The following PPP1R16A variants were observed in gnomAD, a reference collection of about 807,000 sequenced individuals.
The protein encoded by PPP1R16A is protein phosphatase 1 regulatory subunit 16A, also known as myosin phosphatase-targeting subunit 3.
A neutral mutation model predicts 46.6 loss-of-function variants in PPP1R16A; 39 were observed. The ratio of observed to expected loss-of-function variants is 0.84; its 90% confidence interval spans 0.65 to 1.09. The LOEUF (loss-of-function observed/expected upper bound fraction) is 1.09. Among genes scored for constraint, PPP1R16A ranks in the 50% least tolerant of loss-of-function variants. PPP1R16A has a pLI of 0.00. For missense variants in PPP1R16A, 798 were observed against 735.6 expected (o/e 1.08, Z -0.98); for synonymous variants, 413 against 321.5 (o/e 1.28, Z -3.04).
intron 1 of PPP1R16A, among the ~76,000 whole-genome samples, chr8:144,486,737 G>A (rs1825640326): frequency 6.6e-6 from 1 of 152,156 alleles, no homozygotes; most frequent in African/African-American, 2.4e-5. Flanking sequence ...TGAGACTCGT[G>A]TGTTCTTGAC....
In PPP1R16A at chr8:144,493,011, T is replaced by C. The variant is rs57593627; in HGVS notation, c.-735+2799T>C. Among the ~76,000 whole-genome samples, 2,887 of 151,900 alleles carry C rather than the reference T, an allele frequency of 0.019. 88 individuals carry two copies. The highest frequency in any genetic ancestry group is 0.062 in the African/African-American group (2,589 of 41,436). On this transcript the variant is annotated intron_variant, in intron 2 of 11. Coordinates refer to ENST00000435887, the MANE Select transcript of PPP1R16A (RefSeq NM_001329443.2). This position sits in a 1 kb window ranked among gnomAD's most constrained non-coding sequence, Gnocchi z 4.3. ...TGGTCTCCCCATGTGGAAGATGGGG[T>C]GATGGCAGGTGCCTGAGGCAGTGAT...
intron 1 of PPP1R16A, among the ~76,000 whole-genome samples, chr8:144,479,583 C>G (rs1825319359): frequency 6.6e-6 from 1 of 152,172 alleles, no homozygotes; most frequent in African/African-American, 2.4e-5. Flanking sequence ...GGTCTGTGTT[C>G]TAGGGATTCT....
intron 4 of PPP1R16A, 28 bp downstream of exon 4, chr8:144,498,868 T>TG (rs1453030055): frequency 1.2e-6 from 2 of 1,612,316 alleles, no homozygotes; most frequent in Admixed American, 3.3e-5. Flanking sequence ...GTGGGCAGGG[T>TG]GGGGGCTGGC....
chr8:144,479,554 C>G (rs888157606), intron 1 of PPP1R16A, among the ~76,000 whole-genome samples: 1 of 152,132 alleles, frequency 6.6e-6, no homozygotes, highest in African/African-American at 2.4e-5. Flanking sequence ...GGGGCTCCTC[C>G]TGTATGACTG....
At position 144,498,841 on chromosome 8, in the gene PPP1R16A, G is replaced by A. The variant is rs755845459; in HGVS notation, c.330+1G>A. Reference sequence around the variant, plus strand: ...GGACGGCCTGACGGCCCTGCACCAGGTCAGCCTGCACTGGGTGTGGGCAGG... The same window carrying A: ...GGACGGCCTGACGGCCCTGCACCAGATCAGCCTGCACTGGGTGTGGGCAGG... On this transcript the variant is annotated splice_donor_variant, in intron 4 of 11. Coordinates refer to ENST00000435887, the MANE Select transcript of PPP1R16A (RefSeq NM_001329443.2). LOFTEE classifies it high-confidence loss of function. The A allele has an allele frequency of 9.9e-6, 16 of 1,610,816 alleles. No homozygotes were observed. Among genetic ancestry groups the A allele is most frequent in the Non-Finnish European group, 1.3e-5 (15 of 1,178,224 alleles).
In PPP1R16A at chr8:144,501,606, G is replaced by C. The variant is rs760411762; in HGVS notation, c.1290G>C (p.Arg430=). The change falls in exon 12 of 12, where the codon CGG becomes CGC. Residue 430 remains arginine, a synonymous_variant. Coordinates refer to ENST00000435887, the MANE Select transcript of PPP1R16A (RefSeq NM_001329443.2). ...VRHLYSKRLD[R]SVSYQLSPLD... ...ATCTATACTCCAAGCGACTAGACCG[G>C]AGTGTCTCCTACCAGCTGAGCCCCC... is the stretch of plus-strand genomic sequence containing the variant. The C allele has an allele frequency of 5.0e-6, 8 of 1,609,116 alleles. No homozygotes were observed. In the South Asian group the frequency reaches 8.9e-5, roughly 18 times the overall value.
In PPP1R16A at chr8:144,498,912, G is replaced by A; in HGVS notation, c.331-4G>A. On this transcript the variant is annotated splice_region_variant and splice_polypyrimidine_tract_variant and intron_variant, in intron 4 of 11. Transcript: ENST00000435887. Reference sequence around the variant, plus strand: ...TCTGGTCGCTCACGTGGCACGGTTTGCAGTGCTGCATTGATGATTTCCGAG... The same window carrying A: ...TCTGGTCGCTCACGTGGCACGGTTTACAGTGCTGCATTGATGATTTCCGAG... 1 of 1,612,828 alleles carries A rather than the reference G, an allele frequency of 6.2e-7. No homozygotes were observed. Among genetic ancestry groups the A allele is most frequent in the South Asian group, 1.1e-5 (1 of 91,088 alleles).
chr8:144,499,268 C>G, intron 5 of PPP1R16A: 1 of 641,126 alleles, frequency 1.6e-6, no homozygotes, highest in Non-Finnish European at 2.5e-6. Context: ...TCCCTGCCTC[C>G]CCAGCATTCG....
intron 1 of PPP1R16A, among the ~76,000 whole-genome samples, chr8:144,484,696 A>G (rs1340240372): frequency 2.0e-5 from 3 of 152,210 alleles, no homozygotes; most frequent in East Asian, 3.8e-4. Flanking sequence ...GGCTTCCCCA[A>G]TTCTCCAGCC....
Position 144,501,570 on chromosome 8 carries a change from C to T in PPP1R16A, c.1254C>T (p.Ser418=). The change falls in exon 12 of 12, where the codon TCC becomes TCT. Residue 418 remains serine, a synonymous_variant. Transcript: ENST00000435887. ...CGCACAATGGCCGAGTAGGGGGCTC[C>T]CCAGTGCGGCATCTATACTCCAAGC... ...VRPHNGRVGG[S]PVRHLYSKRL... is the part of the protein sequence containing the mutation. 1 of 1,595,032 alleles carries T rather than the reference C, an allele frequency of 6.3e-7. No individual in the cohort carries two copies. Among genetic ancestry groups the T allele is most frequent in the Non-Finnish European group, 8.5e-7 (1 of 1,171,610 alleles).
chr8:144,499,105 A>C, intron 5 of PPP1R16A, 44 bp downstream of exon 5: 1 of 1,539,000 alleles, frequency 6.5e-7, no homozygotes, highest in Non-Finnish European at 8.8e-7. Flanking sequence ...GCTTCCTCTC[A>C]GATGGCCGCT....
chr8:144,491,499 C>A (rs1270030260), intron 2 of PPP1R16A, among the ~76,000 whole-genome samples: 4 of 152,006 alleles, frequency 2.6e-5, no homozygotes, highest in Non-Finnish European at 5.9e-5. Context: ...CATGCTGGCT[C>A]ACACCTGTAA....
At chr8:144,485,355 T>C (rs1825596278) in intron 1 of PPP1R16A, among the ~76,000 whole-genome samples, 1 of 151,024 alleles carries the variant, frequency 6.6e-6, no homozygotes, top group African/African-American at 2.4e-5. Context: ...AAACCGTGTC[T>C]CTACTGAAAA....
chr8:144,489,674 G>A lies in PPP1R16A; in HGVS notation c.-913-360G>A, dbSNP rs538368379. On this transcript the variant is annotated intron_variant, in intron 1 of 11. Coordinates refer to ENST00000435887, the MANE Select transcript of PPP1R16A (RefSeq NM_001329443.2). ...GCCTTCTGTGCTGACCTCAGTAGAC[G>A]TGGTGTGACGTGCTGATGTGCATCC... 7.9e-5 allele frequency among the ~76,000 whole-genome samples: 12 copies of A among 152,268 alleles called. 1 individual carries two copies. In the South Asian group the frequency reaches 1.4e-3, roughly 18 times the overall value.
chr8:144,494,500 G>A (rs1825960328), intron 2 of PPP1R16A, among the ~76,000 whole-genome samples: 2 of 152,020 alleles, frequency 1.3e-5, no homozygotes, highest in Admixed American at 1.3e-4. Flanking sequence ...TAGAGACAGG[G>A]TCTTACCCTG....
At chr8:144,479,721 G>A (rs1003152781) in intron 1 of PPP1R16A, among the ~76,000 whole-genome samples, 2 of 152,198 alleles carry the variant, frequency 1.3e-5, no homozygotes, top group Admixed American at 6.5e-5. Flanking sequence ...TTCCCCGAGC[G>A]TGTCCTAACC....
chr8:144,498,806 T>G lies in PPP1R16A; in HGVS notation c.296T>G (p.Leu99Trp), dbSNP rs1320615814. The change falls in exon 4 of 12, where the codon TTG becomes TGG. Residue 99 changes from leucine (L) to tryptophan (W), a missense_variant. Coordinates refer to ENST00000435887, the MANE Select transcript of PPP1R16A (RefSeq NM_001329443.2). Reference protein sequence around the residue: ...QFLGSGVSPDLANEDGLTALH... With the variant: ...QFLGSGVSPDWANEDGLTALH... ...CTTGGGAGTGGGGTCAGCCCTGACTTGGCCAACGAGGACGGCCTGACGGCC... is the reference window on the plus strand; with the variant it reads ...CTTGGGAGTGGGGTCAGCCCTGACTGGGCCAACGAGGACGGCCTGACGGCC... 1.2e-6 allele frequency: 2 copies of G among 1,603,644 alleles called. No individual in the cohort carries two copies. The highest frequency in any genetic ancestry group is 1.1e-5 in the South Asian group (1 of 90,734).
intron 2 of PPP1R16A, among the ~76,000 whole-genome samples, chr8:144,491,164 C>T (rs943656626): frequency 1.3e-5 from 2 of 152,218 alleles, no homozygotes; most frequent in African/African-American, 4.8e-5. Flanking sequence ...CATAGCCATT[C>T]TCCCATGGAC....
At position 144,496,796 on chromosome 8, in the gene PPP1R16A, A is replaced by C; in HGVS notation, c.-399A>C. 1 of 271,012 alleles carries C rather than the reference A, an allele frequency of 3.7e-6. No individual in the cohort carries two copies. The highest frequency in any genetic ancestry group is 7.3e-6 in the Non-Finnish European group (1 of 137,442). The allele number at this position is 271,012 out of a possible 1,614,324, so 16.8% of individuals were successfully genotyped here. The stretch of plus-strand genomic sequence containing the variant: ...TTGGCCCTGCCCTCCCTTCCCCCTC[A>C]GCAGGGTGCCCGGAAGCTGGAACCT... On this transcript the variant is annotated 5_prime_UTR_variant, in exon 3 of 12. Coordinates refer to ENST00000435887, the MANE Select transcript of PPP1R16A (RefSeq NM_001329443.2).
Sources: gnomAD v4.1 joint callset for allele counts (sites outside exome capture counted in the v4.1 genomes callset) on GRCh38, gnomAD v4.1.1 for gene constraint, Gnocchi (gnomAD v3.1) non-coding constraint, MANE v1.5 for transcripts, NCBI Gene and HGNC (gene_info 2026-07-23, HGNC 2026-07-21) for gene names.